Variants in AFAP1 observed in about 807,000 individuals in gnomAD.
AFAP1 encodes the protein actin filament-associated protein 1.
Under a neutral mutation model 93.9 loss-of-function variants are expected in AFAP1, and 75 were observed. The observed-to-expected ratio is 0.80, with a 90% CI of 0.66 to 0.97. The LOEUF is 0.97. Ranked by LOEUF, AFAP1 falls within the 50% of genes least tolerant of loss-of-function variation. AFAP1 has a pLI of 0.00. For missense variants in AFAP1, 1,201 were observed against 1,050.8 expected (o/e 1.14, Z -1.98); for synonymous variants, 517 against 430.7 (o/e 1.20, Z -2.48).
chr4:7,848,058 T>G, intron 4 of AFAP1, among the ~76,000 whole-genome samples: 1 of 135,626 alleles, frequency 7.4e-6, no homozygotes, highest in African/African-American at 3.1e-5. Flanking sequence ...GATGGACAGG[T>G]GGATGGGTGA....
At chr4:7,769,596 C>T (rs759586235) in intron 16 of AFAP1, among the ~76,000 whole-genome samples, 3 of 151,934 alleles carry the variant, frequency 2.0e-5, no homozygotes, top group South Asian at 2.1e-4. Flanking sequence ...CCTGAGCTGC[C>T]GAGGCCCCCA....
At chr4:7,893,888 C>A (rs1318266207) in intron 1 of AFAP1, among the ~76,000 whole-genome samples, 3 of 152,146 alleles carry the variant, frequency 2.0e-5, no homozygotes, top group South Asian at 2.1e-4. Flanking sequence ...AGGGAACCAG[C>A]AATAATGCTC....
chr4:7,787,744 C>A (rs571309034), intron 11 of AFAP1, among the ~76,000 whole-genome samples: 163 of 152,278 alleles, frequency 1.1e-3, no homozygotes, highest in Non-Finnish European at 1.9e-3. Flanking sequence ...CCGCCCAACA[C>A]CCCCAGGGGC....
intron 8 of AFAP1, among the ~76,000 whole-genome samples, chr4:7,812,662 C>T (rs1361899419): frequency 1.3e-5 from 2 of 152,128 alleles, no homozygotes; most frequent in Non-Finnish European, 2.9e-5. Context: ...ACACGCTGGC[C>T]CATGAGGTGG....
chr4:7,772,767 C>G, intron 16 of AFAP1, 53 bp downstream of exon 16: 1 of 1,562,448 alleles, frequency 6.4e-7, no homozygotes, highest in Non-Finnish European at 8.7e-7. Flanking sequence ...TGCACTGGCC[C>G]TCGGCCACGC....
chr4:7,897,092 TG>T (rs1222872507), intron 1 of AFAP1, among the ~76,000 whole-genome samples: 1 of 152,176 alleles, frequency 6.6e-6, no homozygotes, highest in East Asian at 1.9e-4. Flanking sequence ...AATCCCATGA[TG>T]TTTATCTTCA....
chr4:7,909,388 G>A (rs1350173272), intron 1 of AFAP1, among the ~76,000 whole-genome samples: 4 of 152,084 alleles, frequency 2.6e-5, no homozygotes, highest in Admixed American at 2.0e-4. Context: ...GCACAGCAGT[G>A]GTACAAACAA....
At chr4:7,934,210 C>T (rs1721254992) in intron 1 of AFAP1, among the ~76,000 whole-genome samples, 1 of 152,214 alleles carries the variant, frequency 6.6e-6, no homozygotes, top group African/African-American at 2.4e-5. Flanking sequence ...CCTCCCAATG[C>T]TTGTCTTACT....
In AFAP1 at chr4:7,843,159, T is replaced by C; in HGVS notation, c.526A>G (p.Ile176Val). Residue 176 changes from isoleucine to valine, a missense_variant, in exon 5 of 18, where the codon ATC (isoleucine) becomes GTC (valine). Physicochemically the swap from Ile to Val is conservative, Grantham distance 29. Coordinates refer to ENST00000420658, the MANE Select transcript of AFAP1 (RefSeq NM_001134647.2). ...FGQWTKLLCVIKDTKLLCYKS... is the reference protein window; with the variant it reads ...FGQWTKLLCVVKDTKLLCYKS... ...CTTACCAGCAGTTTGGTGTCTTTGATGACGCAGAGCAACTTGGTCCACTGG... is the reference window on the plus strand; with the variant it reads ...CTTACCAGCAGTTTGGTGTCTTTGACGACGCAGAGCAACTTGGTCCACTGG... 6.2e-7 allele frequency: 1 copy of C among 1,614,116 alleles called. No individual in the cohort carries two copies. The highest frequency in any genetic ancestry group is 8.5e-7 in the Non-Finnish European group (1 of 1,180,018).
intron 4 of AFAP1, among the ~76,000 whole-genome samples, chr4:7,851,340 G>A (rs1384660284): frequency 1.3e-5 from 2 of 152,198 alleles, no homozygotes; most frequent in Non-Finnish European, 2.9e-5. Flanking sequence ...CACTCCAGAA[G>A]ATGTGAGCGA....
At position 7,858,575 on chromosome 4, in the gene AFAP1, T is replaced by C. The variant is rs79542741; in HGVS notation, c.226-3001A>G. On this transcript the variant is annotated intron_variant, in intron 3 of 17. Transcript: ENST00000420658. ...CAATAAGAATTCACTGAGAGCACAA[T>C]TAATGGAATTGTAAAAGGTACACAA... Among the ~76,000 whole-genome samples, 880 of 152,188 alleles carry C rather than the reference T, an allele frequency of 5.8e-3. 7 individuals are homozygous for C. Among genetic ancestry groups the C allele is most frequent in the African/African-American group, 0.019 (774 of 41,508 alleles).
intron 1 of AFAP1, among the ~76,000 whole-genome samples, chr4:7,888,621 A>G (rs965644376): frequency 1.6e-4 from 24 of 152,228 alleles, no homozygotes; most frequent in Admixed American, 7.2e-4. Flanking sequence ...CAGCTTCACT[A>G]GTGAATTCTA....
At chr4:7,859,992 A>G (rs1476596224) in intron 3 of AFAP1, among the ~76,000 whole-genome samples, 1 of 152,030 alleles carries the variant, frequency 6.6e-6, no homozygotes, top group African/African-American at 2.4e-5. Context: ...AAAATACAAA[A>G]ATTAGCCAGG....
chr4:7,833,360 A>G (rs1398538836), intron 6 of AFAP1, among the ~76,000 whole-genome samples: 1 of 152,180 alleles, frequency 6.6e-6, no homozygotes, highest in Non-Finnish European at 1.5e-5. Flanking sequence ...GACAATTCTC[A>G]AAAGAAGTTA....
At chr4:7,799,484 G>A (rs941415361) in intron 10 of AFAP1, among the ~76,000 whole-genome samples, 2 of 152,184 alleles carry the variant, frequency 1.3e-5, no homozygotes, top group African/African-American at 4.8e-5. Context: ...CACTGTGCAC[G>A]CATGTAGAGC....
At chr4:7,768,584 G>T (rs115395478) in intron 17 of AFAP1, among the ~76,000 whole-genome samples, 1 of 152,142 alleles carries the variant, frequency 6.6e-6, no homozygotes, top group Non-Finnish European at 1.5e-5. Context: ...CATCTGAGAT[G>T]ACTCTGGAGC....
chr4:7,774,747 A>G lies in AFAP1; in HGVS notation c.2054T>C (p.Val685Ala). 6.2e-7 allele frequency: 1 copy of G among 1,614,074 alleles called. No individual in the cohort carries two copies. The highest frequency in any genetic ancestry group is 1.6e-4 in the Middle Eastern group (1 of 6,062). The change falls in exon 15 of 18, where the codon GTG becomes GCG. Residue 685 changes from valine (V) to alanine (A), a missense_variant. By Grantham distance (64) the Val-to-Ala change is moderately conservative (BLOSUM62 0). Transcript: ENST00000420658. ...ERKDLRAAIE[V>A]NAGRKPQAIL... ...ACCCACACCCTTCATACCGGCGTTC[A>G]CTTCAATAGCCGCTCGAAGGTCTTT... is the stretch of plus-strand genomic sequence containing the variant.
chr4:7,803,638 G>A (rs1719245548), intron 9 of AFAP1, among the ~76,000 whole-genome samples: 2 of 152,098 alleles, frequency 1.3e-5, no homozygotes, highest in South Asian at 4.1e-4. Flanking sequence ...CTGATCCCCA[G>A]CCACAGGAGA....
intron 9 of AFAP1, among the ~76,000 whole-genome samples, chr4:7,803,536 C>T (rs559262301): frequency 7.3e-5 from 11 of 151,598 alleles, no homozygotes; most frequent in African/African-American, 1.2e-4. Flanking sequence ...ACAGGGGACC[C>T]GGCCCCGATC....
Sources: gnomAD v4.1 joint callset for allele counts (sites outside exome capture counted in the v4.1 genomes callset) on GRCh38, gnomAD v4.1.1 for gene constraint, MANE v1.5 for transcripts, NCBI Gene and HGNC (gene_info 2026-07-23, HGNC 2026-07-21) for gene names.